MAB21L4: variants seen among roughly 807,000 people sequenced by gnomAD.
MAB21L4 encodes the protein protein mab-21-like 4.
Under a neutral mutation model 32.4 loss-of-function variants are expected in MAB21L4, and 25 were observed. That is an observed-to-expected ratio of 0.77 (90% confidence interval 0.56 to 1.08). The LOEUF (loss-of-function observed/expected upper bound fraction) is 1.08. Ranked by LOEUF, MAB21L4 falls within the 50% of genes least tolerant of loss-of-function variation. The pLI, the probability that MAB21L4 is intolerant of heterozygous loss-of-function variation, is 0.00. For missense variants in MAB21L4, 638 were observed against 611.0 expected (o/e 1.04, Z -0.47); for synonymous variants, 280 against 276.8 (o/e 1.01, Z -0.11).
At position 240,886,828 on chromosome 2, in the gene MAB21L4, C is replaced by T; in HGVS notation, c.*242G>A. The T allele has an allele frequency of 1.9e-6, 1 of 515,566 alleles. No individual in the cohort carries two copies. Among genetic ancestry groups the T allele is most frequent in the Non-Finnish European group, 3.4e-6 (1 of 290,726 alleles). The allele number at this position is 515,566 out of a possible 1,614,324, so 31.9% of individuals were successfully genotyped here. ...ACCACGTGGCTGGGTCAACATGCACCACATGGAGAGCTTGGCACCTGCATC... is the reference window on the plus strand; with the variant it reads ...ACCACGTGGCTGGGTCAACATGCACTACATGGAGAGCTTGGCACCTGCATC... On this transcript the variant is annotated 3_prime_UTR_variant, in exon 5 of 5. Transcript: ENST00000388934.
At chr2:240,891,270 T>G (rs1341194055) in intron 2 of MAB21L4, among the ~76,000 whole-genome samples, 2 of 152,172 alleles carry the variant, frequency 1.3e-5, no homozygotes, top group East Asian at 3.9e-4. Flanking sequence ...TAGTGAAAGG[T>G]CTGGTCTAGG....
At chr2:240,887,850 C>T (rs1225973074) in intron 4 of MAB21L4, among the ~76,000 whole-genome samples, 1 of 152,016 alleles carries the variant, frequency 6.6e-6, no homozygotes, top group Non-Finnish European at 1.5e-5. Flanking sequence ...GAGAAGTGGC[C>T]CAGGGGACAC....
Position 240,895,827 on chromosome 2 carries a change from GA to G in MAB21L4, c.170del (p.Phe57SerfsTer37). ...CCAGGCCACGGGAGTAGTCCACGATGAAGCGGGGGTCCAGGGCATGCACGCG... is the reference window on the plus strand; with the variant it reads ...CCAGGCCACGGGAGTAGTCCACGATGAGCGGGGGTCCAGGGCATGCACGCG... ...LERVHALDPR[F>X]IVDYSRGLEA... On this transcript the variant is annotated frameshift_variant, in exon 1 of 5. Transcript: ENST00000388934. LOFTEE classifies it high-confidence loss of function. 6.3e-7 allele frequency: 1 copy of G among 1,589,874 alleles called. No homozygotes were observed. The highest frequency in any genetic ancestry group is 8.6e-7 in the Non-Finnish European group (1 of 1,165,664).
intron 4 of MAB21L4, 96 bp downstream of exon 4, chr2:240,888,196 T>A (rs1057230718): frequency 9.7e-7 from 1 of 1,031,260 alleles, no homozygotes; most frequent in Non-Finnish European, 1.4e-6. Flanking sequence ...CTGGGGCTGC[T>A]GACCTGGGAG....
rs2059181161 is a variant in MAB21L4, at chr2:240,895,630, C to T, written c.368G>A (p.Trp123Ter). 3 of 1,612,654 alleles carry T rather than the reference C, an allele frequency of 1.9e-6. No homozygotes were observed. The highest frequency in any genetic ancestry group is 1.3e-5 in the African/African-American group (1 of 74,848). The stretch of plus-strand genomic sequence containing the variant: ...GGCAGTGAAGGTATCCTCGGTGGTC[C>T]ACCGCTCCAGGCCAGCCCCTTCCCT... The part of the protein sequence containing the change: ...VPREGAGLER[W>*]TTEDTFTASS... Residue 123 changes from tryptophan to a stop codon, truncating the protein, a stop_gained, in exon 1 of 5, where the codon TGG (tryptophan) becomes TAG (stop). Transcript: ENST00000388934. LOFTEE classifies it high-confidence loss of function.
upstream of MAB21L4, chr2:240,896,288 C>T (rs1280914478): frequency 1.3e-5 from 7 of 555,930 alleles, no homozygotes; most frequent in African/African-American, 2.0e-5. Context: ...TCCTCCCTCC[C>T]TTCAGAAGAG....
At position 240,895,482 on chromosome 2, in the gene MAB21L4, A is replaced by T. The variant is rs1306481592; in HGVS notation, c.514+2T>A. 6.5e-7 allele frequency: 1 copy of T among 1,542,156 alleles called. No homozygotes were observed. Among genetic ancestry groups the T allele is most frequent in the Non-Finnish European group, 8.8e-7 (1 of 1,137,718 alleles). ...CGCGTGCAGAGTGGGCTGTGCCTGT[A>T]CCTGGTGCGATGAGACTGTGGTGCT... On this transcript the variant is annotated splice_donor_variant, in intron 1 of 4. Transcript: ENST00000388934. LOFTEE classifies it high-confidence loss of function.
At chr2:240,887,892 G>C (rs1401221897) in intron 4 of MAB21L4, among the ~76,000 whole-genome samples, 1 of 152,174 alleles carries the variant, frequency 6.6e-6, no homozygotes, top group Non-Finnish European at 1.5e-5. Flanking sequence ...GTGGATTCTT[G>C]AGTCCAGGGA....
At position 240,891,660 on chromosome 2, in the gene MAB21L4, T is replaced by A. The variant is rs750460148; in HGVS notation, c.618A>T (p.Arg206Ser). The A allele has an allele frequency of 6.2e-7, 1 of 1,609,222 alleles. No homozygotes were observed. The highest frequency in any genetic ancestry group is 1.1e-5 in the South Asian group (1 of 91,076). Reference protein sequence around the residue: ...TISFHVVPVVRRKLGAPALEG... With the variant: ...TISFHVVPVVSRKLGAPALEG... The stretch of plus-strand genomic sequence containing the variant: ...CCAGGGCAGGCGCCCCAAGCTTCCT[T>A]CTCACCACGGGCACCACGTGGAAGC... Residue 206 changes from arginine (R) to serine (S), a missense_variant, in exon 2 of 5, where the codon AGA becomes AGT. Physicochemically the swap from Arg to Ser is moderately radical, Grantham distance 110 (BLOSUM62 -1). Transcript: ENST00000388934.
At chr2:240,887,288 G>A (rs1019088374) in intron 4 of MAB21L4, 126 bp from the exon 5 acceptor site, 17 of 746,712 alleles carry the variant, frequency 2.3e-5, no homozygotes, top group East Asian at 5.3e-5. Context: ...TTCCTGCCCC[G>A]GGTATCTGCC....
At chr2:240,888,205 A>G in intron 4 of MAB21L4, 87 bp downstream of exon 4, 1 of 1,102,338 alleles carries the variant, frequency 9.1e-7, no homozygotes, top group East Asian at 2.8e-5. Context: ...CTGACCTGGG[A>G]GAGAATGGGC....
At position 240,895,595 on chromosome 2, in the gene MAB21L4, C is replaced by A. The variant is rs780389400; in HGVS notation, c.403G>T (p.Gly135Cys). The stretch of plus-strand genomic sequence containing the variant: ...ATGTGTCCACGGCACTTGGCGTCAC[C>A]CTCCGAGGAGGCAGTGAAGGTATCC... ...TEDTFTASSE[G>C]DAKCRGHIVP... Residue 135 changes from glycine to cysteine, a missense_variant, in exon 1 of 5, where the codon GGT becomes TGT. Gly to Cys is a radical substitution (Grantham distance 159, BLOSUM62 -3). Transcript: ENST00000388934. 1 of 1,612,844 alleles carries A rather than the reference C, an allele frequency of 6.2e-7. No homozygotes were observed. The highest frequency in any genetic ancestry group is 8.5e-7 in the Non-Finnish European group (1 of 1,179,964).
In MAB21L4 at chr2:240,891,256, T is replaced by C. The variant is rs140148633; in HGVS notation, c.740+282A>G. On this transcript the variant is annotated intron_variant, in intron 2 of 4. Coordinates refer to ENST00000388934, the MANE Select transcript of MAB21L4 (RefSeq NM_001085437.3). ...CTATTTTCCTGCCCCAAGCAAAAGC[T>C]GGGTAGTGAAAGGTCTGGTCTAGGG... 2.9e-3 allele frequency among the ~76,000 whole-genome samples: 449 copies of C among 152,314 alleles called. 1 individual carries two copies. The highest frequency in any genetic ancestry group is 0.01 in the African/African-American group (434 of 41,554).
At chr2:240,890,690 C>G (rs894840331) in intron 2 of MAB21L4, among the ~76,000 whole-genome samples, 37 of 152,228 alleles carry the variant, frequency 2.4e-4, no homozygotes, top group African/African-American at 7.7e-4. Context: ...CAAGGAGCCA[C>G]AACAGGGGCC....
In MAB21L4 at chr2:240,896,051, C is replaced by A. The variant is rs2059185860; in HGVS notation, c.-54G>T. The A allele has an allele frequency of 7.1e-7, 1 of 1,412,430 alleles. No individual in the cohort carries two copies. The highest frequency in any genetic ancestry group is 9.2e-7 in the Non-Finnish European group (1 of 1,088,144). The allele number at this position is 1,412,430 out of a possible 1,614,324, so 87.5% of individuals were successfully genotyped here. On this transcript the variant is annotated 5_prime_UTR_variant, in exon 1 of 5. Coordinates refer to ENST00000388934, the MANE Select transcript of MAB21L4 (RefSeq NM_001085437.3). Reference sequence around the variant, plus strand: ...TGGCCCCTGAGGAGGACTCCGCAGGCCAGCTGTGCAGATGGGCTGTGAGGA... The same window carrying A: ...TGGCCCCTGAGGAGGACTCCGCAGGACAGCTGTGCAGATGGGCTGTGAGGA...
At chr2:240,896,306 A>C, upstream of MAB21L4, 7 of 463,822 alleles carry the variant, frequency 1.5e-5, no homozygotes, top group Non-Finnish European at 2.0e-5. Context: ...GAGCTCTCTC[A>C]TCTTAGGCCC....
chr2:240,889,997 C>A lies in MAB21L4; in HGVS notation c.894+8G>T, dbSNP rs1426876338. ...GACAGACAACCCGCCGAGTCCCGCC[C>A]TGGGTACCTTCAGGTGGCCAAAGGT... On this transcript the variant is annotated splice_region_variant and intron_variant, in intron 3 of 4. Transcript: ENST00000388934. 1 of 1,602,540 alleles carries A rather than the reference C, an allele frequency of 6.2e-7. No individual in the cohort carries two copies. The highest frequency in any genetic ancestry group is 8.5e-7 in the Non-Finnish European group (1 of 1,171,406).
intron 2 of MAB21L4, among the ~76,000 whole-genome samples, chr2:240,891,014 G>A (rs780136836): frequency 2.6e-5 from 4 of 152,216 alleles, no homozygotes; most frequent in African/African-American, 4.8e-5. Flanking sequence ...CAAGTGAGGC[G>A]GGGTGAGCCA....
At chr2:240,888,245 C>G in intron 4 of MAB21L4, 47 bp downstream of exon 4, 1 of 1,434,962 alleles carries the variant, frequency 7.0e-7, no homozygotes, top group Non-Finnish European at 9.3e-7. Context: ...CCATTCCACC[C>G]TCCCATGCCC....
Sources: allele counts gnomAD v4.1 joint callset (sites outside exome capture counted in the v4.1 genomes callset), GRCh38; gene constraint gnomAD v4.1.1; transcripts MANE v1.5; gene names NCBI Gene and HGNC (gene_info 2026-07-23, HGNC 2026-07-21).